Variants in AGO3 observed in about 807,000 individuals in gnomAD.
AGO3 encodes the protein argonaute RISC catalytic component 3.
A neutral mutation model predicts 105.5 loss-of-function variants in AGO3; 16 were observed. The ratio of observed to expected loss-of-function variants is 0.15; its 90% CI spans 0.10 to 0.23. The LOEUF (loss-of-function observed/expected upper bound fraction) is 0.23. Among genes scored for constraint, AGO3 ranks in the 10% least tolerant of loss-of-function variants. The probability of loss-of-function intolerance (pLI) is 1.00; values close to 1 mark genes in which losing one functional copy is unlikely to be tolerated. For missense variants in AGO3, 534 were observed against 1,088.0 expected (o/e 0.49, Z 7.16); for synonymous variants, 340 against 367.3 (o/e 0.93, Z 0.85).
intron 17 of AGO3, among the ~76,000 whole-genome samples, chr1:36,051,250 A>G (rs987739893): frequency 6.6e-6 from 1 of 152,172 alleles, no homozygotes; most frequent in South Asian, 2.1e-4. Flanking sequence ...TATCTTTTAC[A>G]TGGAAATTAA....
chr1:35,943,093 C>T (rs1055833514), intron 1 of AGO3, among the ~76,000 whole-genome samples: 3 of 151,876 alleles, frequency 2.0e-5, no homozygotes, highest in African/African-American at 7.3e-5. Flanking sequence ...GCCTCCACCT[C>T]CCAGGTTCAA....
intron 12 of AGO3, among the ~76,000 whole-genome samples, chr1:36,030,007 A>G (rs941003477): frequency 2.6e-5 from 3 of 116,316 alleles, no homozygotes; most frequent in African/African-American, 1.4e-4. Context: ...AATTTCCTAC[A>G]TGTCACGGAT....
intron 5 of AGO3, chr1:35,983,007 G>C (rs1235695704): frequency 5.5e-6 from 1 of 183,176 alleles, no homozygotes; most frequent in Non-Finnish European, 1.1e-5. Flanking sequence ...TGAAATTTTG[G>C]GGGCAGGCTG....
At chr1:35,980,022 G>A (rs753913669) in intron 5 of AGO3, among the ~76,000 whole-genome samples, 11 of 152,190 alleles carry the variant, frequency 7.2e-5, no homozygotes, top group African/African-American at 2.6e-4. Flanking sequence ...GAAACTTTGA[G>A]TGTTGTGTTT....
intron 17 of AGO3, among the ~76,000 whole-genome samples, chr1:36,046,623 T>TAA (rs3073806): frequency 0.036 from 1,252 of 34,434 alleles, 380 homozygotes; most frequent in African/African-American, 0.089. Context: ...AGTCTCTATT[T>TAA]AAAAAAAAAA....
intron 5 of AGO3, among the ~76,000 whole-genome samples, chr1:35,993,727 A>G (rs891638406): frequency 1.9e-5 from 2 of 104,184 alleles, no homozygotes; most frequent in African/African-American, 3.7e-5. Flanking sequence ...TTCCCCAACC[A>G]CCACCCCCTG....
At chr1:35,967,197 CTTTTTG>C in intron 3 of AGO3, 122 bp downstream of exon 3, 1 of 1,304,690 alleles carries the variant, frequency 7.7e-7, no homozygotes, top group Non-Finnish European at 1.0e-6. Flanking sequence ...TTGTTTTTAA[CTTTTTG>C]TTTTGAAATA....
chr1:36,000,545 T>C (rs1337032358), intron 5 of AGO3, among the ~76,000 whole-genome samples: 1 of 152,166 alleles, frequency 6.6e-6, no homozygotes, highest in Non-Finnish European at 1.5e-5. Flanking sequence ...GCTGGTGTTA[T>C]AGCAATCCAG....
Position 35,940,071 on chromosome 1 carries a change from A to T in AGO3, c.20-5621A>T, listed in dbSNP as rs895117833. Among the ~76,000 whole-genome samples the T allele has an allele frequency of 6.2e-4, 91 of 146,948 alleles. 5 individuals carry two copies. The highest frequency in any genetic ancestry group is 4.3e-4 in the South Asian group (2 of 4,644). ...TTTAAACTGTTTGCCTTAAAAAAAA[A>T]TTTTTTTTTTTTTGAGATACAGTCT... is the stretch of plus-strand genomic sequence containing the variant. On this transcript the variant is annotated intron_variant, in intron 1 of 18. Coordinates refer to ENST00000373191, the MANE Select transcript of AGO3 (RefSeq NM_024852.4).
chr1:36,034,597 A>G (rs1168880582), intron 13 of AGO3, among the ~76,000 whole-genome samples: 1 of 152,240 alleles, frequency 6.6e-6, no homozygotes, highest in African/African-American at 2.4e-5. Context: ...GATTTACTGA[A>G]AATGAAAGTA....
intron 9 of AGO3, among the ~76,000 whole-genome samples, chr1:36,012,887 AG>A (rs1199532384): frequency 6.6e-6 from 1 of 151,790 alleles, no homozygotes; most frequent in Non-Finnish European, 1.5e-5. Context: ...TGAATAACAT[AG>A]CAAGACTCCA....
At chr1:35,985,860 T>C (rs1424383647) in intron 5 of AGO3, among the ~76,000 whole-genome samples, 2 of 152,178 alleles carry the variant, frequency 1.3e-5, no homozygotes, top group Non-Finnish European at 2.9e-5. Context: ...CTGAGAACTT[T>C]ACAAAATATA....
intron 14 of AGO3, among the ~76,000 whole-genome samples, chr1:36,036,986 G>C (rs906475572): frequency 1.3e-5 from 2 of 151,976 alleles, no homozygotes; most frequent in Non-Finnish European, 2.9e-5. Context: ...GTGAGCTACC[G>C]TGCCCAGCCA....
chr1:35,979,328 C>T (rs1237400145), intron 5 of AGO3, among the ~76,000 whole-genome samples: 1 of 151,956 alleles, frequency 6.6e-6, no homozygotes, highest in Non-Finnish European at 1.5e-5. Flanking sequence ...CGCGCCGCTG[C>T]ACCCCAGCCT....
intron 5 of AGO3, among the ~76,000 whole-genome samples, chr1:36,003,709 A>AAAAAAAAAATATATATATATAT (rs1295618675): frequency 4.0e-5 from 4 of 99,446 alleles, no homozygotes; most frequent in Non-Finnish European, 5.8e-5. Flanking sequence ...AAAAAAAAAA[A>AAAAAAAAAATATATATATATAT]ATATATATAT....
rs1569971067 is a variant in AGO3, at chr1:36,056,569, T to TAC, written c.*825_*826insCA. The stretch of plus-strand genomic sequence containing the variant: ...GTCTTAAGAAACAAAATTTTATATA[T>TAC]ATATGTATACATACATACACAGACA... On this transcript the variant is annotated 3_prime_UTR_variant, in exon 19 of 19. Coordinates refer to ENST00000373191, the MANE Select transcript of AGO3 (RefSeq NM_024852.4). 1 of 152,078 alleles carries TAC rather than the reference T, an allele frequency of 6.6e-6. No homozygotes were observed. Among genetic ancestry groups the TAC allele is most frequent in the African/African-American group, 2.4e-5 (1 of 41,390 alleles). The allele number at this position is 152,078 out of a possible 1,614,324, so 9.4% of individuals were successfully genotyped here.
intron 2 of AGO3, among the ~76,000 whole-genome samples, chr1:35,959,549 A>G (rs1379846811): frequency 6.6e-6 from 1 of 152,180 alleles, no homozygotes; most frequent in Non-Finnish European, 1.5e-5. Context: ...CTGTTTTAGA[A>G]GTTAAAATAT....
At chr1:35,955,681 C>T (rs975109957) in intron 2 of AGO3, among the ~76,000 whole-genome samples, 4 of 151,740 alleles carry the variant, frequency 2.6e-5, no homozygotes, top group African/African-American at 9.7e-5. Flanking sequence ...TGCAGCCTCA[C>T]CCTCCTGGGC....
intron 9 of AGO3, chr1:36,013,337 A>G: frequency 4.7e-6 from 1 of 214,802 alleles, no homozygotes; most frequent in Non-Finnish European, 9.5e-6. Flanking sequence ...GGCCTCCCAA[A>G]ATGCTGAGAT....
Sources: allele counts gnomAD v4.1 joint callset (sites outside exome capture counted in the v4.1 genomes callset), GRCh38; gene constraint gnomAD v4.1.1; transcripts MANE v1.5; gene names NCBI Gene and HGNC (gene_info 2026-07-23, HGNC 2026-07-21).